ATP6V1B1: variants seen among roughly 807,000 people sequenced by gnomAD.
The protein encoded by ATP6V1B1 is ATPase H+ transporting V1 subunit B1.
ATP6V1B1 carries 41 observed loss-of-function variants against 62.1 expected under a neutral mutation model. The ratio of observed to expected loss-of-function variants is 0.66; its 90% confidence interval spans 0.51 to 0.86. The LOEUF is 0.86. ATP6V1B1 is among the 40% of genes least tolerant of loss of function. The probability of loss-of-function intolerance (pLI) is 0.00; values close to 1 mark genes in which losing one functional copy is unlikely to be tolerated. For synonymous variants in ATP6V1B1, 253 were observed against 273.4 expected (o/e 0.93, Z 0.74); for missense variants, 651 against 697.5 (o/e 0.93, Z 0.75).
chr2:70,961,064 G>A lies in ATP6V1B1; in HGVS notation c.687+42G>A, dbSNP rs1211189922. The A allele has an allele frequency of 4.5e-6, 7 of 1,542,290 alleles. No individual in the cohort carries two copies. The East Asian group carries it at 1.2e-4, about 27-fold the overall frequency. On this transcript the variant is annotated intron_variant, in intron 7 of 13. Coordinates refer to ENST00000234396, the MANE Select transcript of ATP6V1B1 (RefSeq NM_001692.4). ...GACTGGCAAGTTCTGGAGGCTGTGA[G>A]CAGGCAGCCTGTCTCCCTCAGCCCC...
intron 2 of ATP6V1B1, among the ~76,000 whole-genome samples, chr2:70,947,292 C>A (rs1429340152): frequency 6.6e-6 from 1 of 152,142 alleles, no homozygotes; most frequent in African/African-American, 2.4e-5. Flanking sequence ...ATAAGTTGAA[C>A]AAGCATCAGA....
intron 2 of ATP6V1B1, among the ~76,000 whole-genome samples, chr2:70,952,553 T>A (rs566924370): frequency 7.7e-4 from 117 of 152,224 alleles, no homozygotes; most frequent in Non-Finnish European, 1.5e-3. Flanking sequence ...GATTCTTTTT[T>A]AATCTATGTT....
In ATP6V1B1 at chr2:70,963,196, G is replaced by A. The variant is rs781890958; in HGVS notation, c.944G>A (p.Arg315Gln). Reference protein sequence around the residue: ...SAAREEVPGRRGFPGYMYTDL... With the variant: ...SAAREEVPGRQGFPGYMYTDL... The stretch of plus-strand genomic sequence containing the variant: ...GCTAGAGAGGAGGTGCCTGGGCGCC[G>A]AGGGTTTCCTGGATATATGTACACA... The change falls in exon 10 of 14, where the codon CGA becomes CAA. Residue 315 changes from arginine (R) to glutamine (Q), a missense_variant. Transcript: ENST00000234396. This position sits in a 1 kb window ranked among gnomAD's most constrained non-coding sequence, Gnocchi z 4.3. 41 of 1,613,964 alleles carry A rather than the reference G, an allele frequency of 2.5e-5. 1 individual carries two copies. The highest frequency in any genetic ancestry group is 3.1e-5 in the Non-Finnish European group (37 of 1,180,034).
Position 70,963,601 on chromosome 2 carries a change from G to C in ATP6V1B1, c.1090G>C (p.Gly364Arg). 1 of 1,614,156 alleles carries C rather than the reference G, an allele frequency of 6.2e-7. No homozygotes were observed. Among genetic ancestry groups the C allele is most frequent in the Non-Finnish European group, 8.5e-7 (1 of 1,180,038 alleles). The change falls in exon 11 of 14, where the codon GGC becomes CGC. Residue 364 changes from glycine to arginine, a missense_variant. By Grantham distance (125) the Gly-to-Arg change is moderately radical. Transcript: ENST00000234396. The surrounding 1 kb of genome is among the most constrained non-coding windows in gnomAD (Gnocchi z 4.3). ...DITHPIPDLT[G>R]FITEGQIYVD... ...CACCCACCCTATCCCAGACTTGACG[G>C]GCTTCATCACAGAGGGACAGATCTA...
At position 70,958,443 on chromosome 2, in the gene ATP6V1B1, G is replaced by C. The variant is rs547564219; in HGVS notation, c.367+17G>C. 5 of 1,580,032 alleles carry C rather than the reference G, an allele frequency of 3.2e-6. No homozygotes were observed. The African/African-American group carries it at 6.7e-5, about 21-fold the overall frequency. On this transcript the variant is annotated intron_variant, in intron 4 of 13. Coordinates refer to ENST00000234396, the MANE Select transcript of ATP6V1B1 (RefSeq NM_001692.4). Reference sequence around the variant, plus strand: ...ACATGCTGGGTGAGGGACAGGGAGGGGCAGGGGTGGGGGTGCTCCTCTGCC... The same window carrying C: ...ACATGCTGGGTGAGGGACAGGGAGGCGCAGGGGTGGGGGTGCTCCTCTGCC...
intron 2 of ATP6V1B1, among the ~76,000 whole-genome samples, chr2:70,950,327 TTAAAA>T (rs1165785996): frequency 6.6e-6 from 1 of 152,174 alleles, no homozygotes; most frequent in Non-Finnish European, 1.5e-5. Flanking sequence ...TATGTGAACT[TTAAAA>T]TAATTTTATT....
chr2:70,943,238 A>C, intron 1 of ATP6V1B1: 1 of 371,786 alleles, frequency 2.7e-6, no homozygotes, highest in African/African-American at 2.1e-5. Context: ...AATGGAGGGA[A>C]ATGCAGTCCT....
At chr2:70,957,582 T>C (rs1011939901) in intron 2 of ATP6V1B1, among the ~76,000 whole-genome samples, 2 of 151,862 alleles carry the variant, frequency 1.3e-5, no homozygotes, top group Non-Finnish European at 2.9e-5. Flanking sequence ...CTGTCCAGGA[T>C]CCCGAGGCAG....
intron 1 of ATP6V1B1, among the ~76,000 whole-genome samples, chr2:70,938,042 G>T (rs1434269436): frequency 6.6e-6 from 1 of 152,124 alleles, no homozygotes; most frequent in Non-Finnish European, 1.5e-5. Flanking sequence ...CAGTGCAGGG[G>T]AGCCCCTCTA....
chr2:70,958,991 C>T, intron 4 of ATP6V1B1, 27 bp from the exon 5 acceptor site: 1 of 1,612,148 alleles, frequency 6.2e-7, no homozygotes, highest in Non-Finnish European at 8.5e-7. Context: ...GCCTGAGCAC[C>T]CTGCAACACT....
Position 70,957,207 on chromosome 2 carries a change from T to C in ATP6V1B1, c.175-839T>C, listed in dbSNP as rs551720645. 9.3e-5 allele frequency among the ~76,000 whole-genome samples: 14 copies of C among 150,474 alleles called. No homozygotes were observed. The East Asian group carries it at 2.8e-3, about 30-fold the overall frequency. Reference sequence around the variant, plus strand: ...GTTCAGTGATTCTCCTGCCTCATCCTTCCAAGTAGCTGGGACTACAGGTGT... The same window carrying C: ...GTTCAGTGATTCTCCTGCCTCATCCCTCCAAGTAGCTGGGACTACAGGTGT... On this transcript the variant is annotated intron_variant, in intron 2 of 13. Coordinates refer to ENST00000234396, the MANE Select transcript of ATP6V1B1 (RefSeq NM_001692.4).
intron 2 of ATP6V1B1, among the ~76,000 whole-genome samples, chr2:70,956,802 C>A (rs1477164519): frequency 6.6e-6 from 1 of 152,102 alleles, no homozygotes; most frequent in South Asian, 2.1e-4. Flanking sequence ...GTTCCCCAGG[C>A]TGATCTCAAA....
intron 1 of ATP6V1B1, chr2:70,941,538 C>T (rs923945431): frequency 4.5e-6 from 4 of 883,010 alleles, no homozygotes; most frequent in East Asian, 1.2e-4. Context: ...CTCCCACTCT[C>T]GTTCACCCAT....
intron 6 of ATP6V1B1, 139 bp downstream of exon 6, chr2:70,960,217 C>CCCT (rs1553419810): frequency 1.5e-6 from 2 of 1,326,972 alleles, no homozygotes; most frequent in Non-Finnish European, 2.1e-6. Context: ...AGACTGGCAG[C>CCCT]TGTCCCTGGG....
Position 70,935,933 on chromosome 2 carries a change from G to T in ATP6V1B1, c.-22G>T. On this transcript the variant is annotated 5_prime_UTR_variant, in exon 1 of 14. Coordinates refer to ENST00000234396, the MANE Select transcript of ATP6V1B1 (RefSeq NM_001692.4). ...CACCAGCAGCAGGCTCAGACACTGGGCTCCCAGCTGGGGACTGCTCCATGG... is the reference window on the plus strand; with the variant it reads ...CACCAGCAGCAGGCTCAGACACTGGTCTCCCAGCTGGGGACTGCTCCATGG... 6.2e-7 allele frequency: 1 copy of T among 1,601,000 alleles called. No individual in the cohort carries two copies. The highest frequency in any genetic ancestry group is 8.5e-7 in the Non-Finnish European group (1 of 1,169,904).
intron 1 of ATP6V1B1, 104 bp from the exon 2 acceptor site, chr2:70,943,554 A>C: frequency 8.3e-7 from 1 of 1,206,750 alleles, no homozygotes; most frequent in African/African-American, 1.5e-5. Flanking sequence ...CAGGCTGGGA[A>C]GGAGGTGGGG....
At chr2:70,951,930 A>G (rs1553418358) in intron 2 of ATP6V1B1, among the ~76,000 whole-genome samples, 1 of 152,036 alleles carries the variant, frequency 6.6e-6, no homozygotes, top group Non-Finnish European at 1.5e-5. Flanking sequence ...TAAATAGAAC[A>G]TTCTCTGTTT....
At chr2:70,952,332 G>A (rs549842009) in intron 2 of ATP6V1B1, among the ~76,000 whole-genome samples, 8 of 151,928 alleles carry the variant, frequency 5.3e-5, no homozygotes, top group Middle Eastern at 3.4e-3. Flanking sequence ...GCGTGATGGC[G>A]CACACCTGTA....
At chr2:70,938,432 A>T (rs1679910445) in intron 1 of ATP6V1B1, 1 of 504,726 alleles carries the variant, frequency 2.0e-6, no homozygotes, top group Admixed American at 6.4e-5. Context: ...AGACAGGAGA[A>T]CTCTGGGAGA....
Sources: allele counts gnomAD v4.1 joint callset (sites outside exome capture counted in the v4.1 genomes callset), GRCh38; gene constraint gnomAD v4.1.1; non-coding constraint Gnocchi (gnomAD v3.1); transcripts MANE v1.5; gene names NCBI Gene and HGNC (gene_info 2026-07-23, HGNC 2026-07-21).